The following PRKN variants were observed in gnomAD, a reference collection of about 807,000 sequenced individuals.
PRKN encodes the protein E3 ubiquitin-protein ligase parkin.
PRKN carries 56 observed loss-of-function variants against 59.5 expected under a neutral mutation model. The observed-to-expected ratio is 0.94, with a 90% CI of 0.76 to 1.18. The LOEUF (loss-of-function observed/expected upper bound fraction) is 1.18, where lower values mean the gene tolerates loss of function less well. PRKN is among the 50% of genes most tolerant of loss of function. PRKN has a pLI of 0.00. For missense variants in PRKN, 657 were observed against 596.4 expected (o/e 1.10, Z -1.06); for synonymous variants, 250 against 222.1 (o/e 1.13, Z -1.12).
intron 6 of PRKN, among the ~76,000 whole-genome samples, chr6:161,951,771 C>T (rs1303578010): frequency 6.6e-6 from 1 of 151,834 alleles, no homozygotes; most frequent in Non-Finnish European, 1.5e-5. Flanking sequence ...CAAAAAGTTA[C>T]CTTAGCTAGG....
chr6:162,631,576 A>G (rs182600279), intron 1 of PRKN, among the ~76,000 whole-genome samples: 2 of 152,180 alleles, frequency 1.3e-5, no homozygotes, highest in East Asian at 3.9e-4. Context: ...GATTCCCTAT[A>G]AATTCTGGAT....
intron 2 of PRKN, among the ~76,000 whole-genome samples, chr6:162,286,268 A>G (rs1007073407): frequency 6.7e-6 from 1 of 149,286 alleles, no homozygotes; most frequent in Non-Finnish European, 1.5e-5. Flanking sequence ...GCCTTTCCAA[A>G]CTTGTTTTTG....
intron 1 of PRKN, among the ~76,000 whole-genome samples, chr6:162,690,670 T>C (rs1391945165): frequency 6.6e-6 from 1 of 151,944 alleles, no homozygotes; most frequent in East Asian, 1.9e-4. Context: ...AGTTAAGAGG[T>C]CAAAAAGAGG....
chr6:162,041,776 G>A (rs777901276), intron 5 of PRKN, among the ~76,000 whole-genome samples: 3 of 152,120 alleles, frequency 2.0e-5, no homozygotes, highest in African/African-American at 7.2e-5. Flanking sequence ...CCCCTAAATT[G>A]TAACAATTGT....
intron 9 of PRKN, among the ~76,000 whole-genome samples, chr6:161,452,481 T>C (rs1159649443): frequency 2.0e-5 from 3 of 152,226 alleles, no homozygotes; most frequent in Non-Finnish European, 4.4e-5. Context: ...GCTGTTTCAC[T>C]AATTAACCAC....
chr6:162,702,917 T>C (rs578024150), intron 1 of PRKN, among the ~76,000 whole-genome samples: 6 of 152,302 alleles, frequency 3.9e-5, no homozygotes, highest in South Asian at 2.1e-4. Context: ...TCTAAGGGGA[T>C]TGATTTAACC....
chr6:161,927,901 T>A (rs570415932), intron 6 of PRKN, among the ~76,000 whole-genome samples: 3 of 152,170 alleles, frequency 2.0e-5, no homozygotes, highest in Non-Finnish European at 4.4e-5. Context: ...AATCTGTATA[T>A]CATTGTTAAG....
chr6:162,505,015 G>A (rs1793546970), intron 1 of PRKN, among the ~76,000 whole-genome samples: 1 of 152,128 alleles, frequency 6.6e-6, no homozygotes, highest in African/African-American at 2.4e-5. Flanking sequence ...ATTTTATTGT[G>A]GAAAAATCTA....
chr6:161,382,239 G>A (rs1345942352), intron 10 of PRKN, among the ~76,000 whole-genome samples: 1 of 151,948 alleles, frequency 6.6e-6, no homozygotes, highest in Non-Finnish European at 1.5e-5. Flanking sequence ...ATGTACAGTT[G>A]TCTGAAAGCT....
chr6:162,622,298 TTTTTG>T (rs145805718), intron 1 of PRKN, among the ~76,000 whole-genome samples: 1 of 131,876 alleles, frequency 7.6e-6, no homozygotes, highest in Non-Finnish European at 1.6e-5. Flanking sequence ...TCTGTTTTTT[TTTTTG>T]TTTTGTTTTT....
At chr6:162,023,180 G>A (rs1013689690) in intron 5 of PRKN, among the ~76,000 whole-genome samples, 3 of 152,014 alleles carry the variant, frequency 2.0e-5, no homozygotes, top group African/African-American at 7.3e-5. Flanking sequence ...CAGTGTCTCG[G>A]GGTGACTGTT....
chr6:162,132,226 T>C (rs1781391700), intron 4 of PRKN, among the ~76,000 whole-genome samples: 2 of 152,106 alleles, frequency 1.3e-5, no homozygotes, highest in Non-Finnish European at 2.9e-5. Context: ...AAAAGGCAGA[T>C]TGGTGTTGGA....
At chr6:161,727,825 T>A (rs1192818691) in intron 7 of PRKN, among the ~76,000 whole-genome samples, 2 of 152,224 alleles carry the variant, frequency 1.3e-5, no homozygotes, top group East Asian at 3.8e-4. Flanking sequence ...TTTGTTCTGT[T>A]TCAGTAAGAC....
rs546119094 is a variant in PRKN, at chr6:161,527,840, G to T, written c.1083+21014C>A. 2.0e-5 allele frequency among the ~76,000 whole-genome samples: 3 copies of T among 152,276 alleles called. No homozygotes were observed. Among genetic ancestry groups the T allele is most frequent in the Non-Finnish European group, 1.5e-5 (1 of 68,028 alleles). On this transcript the variant is annotated intron_variant, in intron 9 of 11. Coordinates refer to ENST00000366898, the MANE Select transcript of PRKN (RefSeq NM_004562.3). The surrounding 1 kb of genome is among the most constrained non-coding windows in gnomAD (Gnocchi z 4.6). The stretch of plus-strand genomic sequence containing the variant: ...TGAATCAGCTGTCTGAAGAACCCTT[G>T]CGGGAGACTGATGGACCTTCACAGA...
intron 4 of PRKN, among the ~76,000 whole-genome samples, chr6:162,114,758 T>G (rs1276513772): frequency 4.6e-5 from 7 of 151,392 alleles, no homozygotes; most frequent in Non-Finnish European, 1.0e-4. Flanking sequence ...TCACCATCAC[T>G]GGCCATCAGA....
chr6:162,091,283 G>A (rs1463432936), intron 4 of PRKN, among the ~76,000 whole-genome samples: 2 of 152,134 alleles, frequency 1.3e-5, no homozygotes, highest in East Asian at 1.9e-4. Context: ...ATTTACATCC[G>A]ATAACTGCCT....
chr6:162,712,186 T>C (rs904194514), intron 1 of PRKN, among the ~76,000 whole-genome samples: 1 of 152,202 alleles, frequency 6.6e-6, no homozygotes, highest in Non-Finnish European at 1.5e-5. Context: ...ACAGTTTTCC[T>C]TGGTCTTCTT....
rs1047399358 is a variant in PRKN, at chr6:161,527,955, C to T, written c.1083+20899G>A. On this transcript the variant is annotated intron_variant, in intron 9 of 11. Coordinates refer to ENST00000366898, the MANE Select transcript of PRKN (RefSeq NM_004562.3). This position sits in a 1 kb window ranked among gnomAD's most constrained non-coding sequence, Gnocchi z 4.6. ...AGCACTGCTTTTAAACATTTCTTTC[C>T]CCCCACTTAGTCCCCAGAGACTTAG... Among the ~76,000 whole-genome samples, 16 of 152,172 alleles carry T rather than the reference C, an allele frequency of 1.1e-4. No homozygotes were observed. Among genetic ancestry groups the T allele is most frequent in the African/African-American group, 3.6e-4 (15 of 41,436 alleles).
intron 6 of PRKN, among the ~76,000 whole-genome samples, chr6:161,793,302 G>T (rs1790710904): frequency 6.6e-6 from 1 of 152,066 alleles, no homozygotes. Flanking sequence ...TCCTGAATCA[G>T]CTCACTAACT....
Sources: gnomAD v4.1 joint callset for allele counts (sites outside exome capture counted in the v4.1 genomes callset) on GRCh38, gnomAD v4.1.1 for gene constraint, Gnocchi (gnomAD v3.1) non-coding constraint, MANE v1.5 for transcripts, NCBI Gene and HGNC (gene_info 2026-07-23, HGNC 2026-07-21) for gene names.